The following CRTC3 variants were observed in gnomAD, a reference collection of about 807,000 sequenced individuals.
CRTC3 encodes the protein CREB-regulated transcription coactivator 3.
Under a neutral mutation model 74.5 loss-of-function variants are expected in CRTC3, and 26 were observed. The ratio of observed to expected loss-of-function variants is 0.35; its 90% CI spans 0.26 to 0.48. The LOEUF (loss-of-function observed/expected upper bound fraction) is 0.48, where lower values mean the gene tolerates loss of function less well. CRTC3 is among the 20% of genes least tolerant of loss of function. CRTC3 has a pLI of 0.99. For missense variants in CRTC3, 760 were observed against 787.3 expected (o/e 0.97, Z 0.41); for synonymous variants, 377 against 325.8 (o/e 1.16, Z -1.69).
rs562696613 is a variant in CRTC3 at position 90,579,520 on chromosome 15, C to G, written c.232-14116C>G. 4.6e-5 allele frequency among the ~76,000 whole-genome samples: 7 copies of G among 152,146 alleles called. 2 individuals are homozygous for G. The South Asian group carries it at 1.5e-3, about 32-fold the overall frequency. ...GTAATTATTGTGTCATAGGCAAAAGCCTCACACTGGCTGTCCCCTTCCCCT... is the reference window on the plus strand; with the variant it reads ...GTAATTATTGTGTCATAGGCAAAAGGCTCACACTGGCTGTCCCCTTCCCCT... On this transcript the variant is annotated intron_variant, in intron 2 of 14. Coordinates refer to ENST00000268184, the MANE Select transcript of CRTC3 (RefSeq NM_022769.5).
At chr15:90,602,250 C>A in intron 3 of CRTC3, 74 bp from the exon 4 acceptor site, 1 of 892,796 alleles carries the variant, frequency 1.1e-6, no homozygotes, top group Non-Finnish European at 1.8e-6. Context: ...TTGTTTAACT[C>A]TCTGTGAGTC....
chr15:90,603,570 T>C (rs1158405163), intron 4 of CRTC3, among the ~76,000 whole-genome samples: 1 of 152,254 alleles, frequency 6.6e-6, no homozygotes, highest in Non-Finnish European at 1.5e-5. Flanking sequence ...TGAGTATTTT[T>C]GTACCCAATA....
chr15:90,561,614 A>G (rs1187589413), intron 2 of CRTC3, among the ~76,000 whole-genome samples: 3 of 152,166 alleles, frequency 2.0e-5, no homozygotes, highest in African/African-American at 4.8e-5. Flanking sequence ...AAATTCAATC[A>G]TATTAGTATG....
intron 1 of CRTC3, among the ~76,000 whole-genome samples, chr15:90,534,381 T>C (rs896674580): frequency 1.3e-5 from 2 of 152,108 alleles, no homozygotes; most frequent in Admixed American, 6.5e-5. Context: ...GTTTAGATGG[T>C]TTTGCAGCTC....
intron 11 of CRTC3, among the ~76,000 whole-genome samples, chr15:90,635,781 T>C (rs149346839): frequency 1.3e-3 from 205 of 152,176 alleles, no homozygotes; most frequent in African/African-American, 4.8e-3. Context: ...GAAAGAAAGG[T>C]GGAGATCTTA....
At chr15:90,623,207 G>A (rs1319902998) in intron 9 of CRTC3, among the ~76,000 whole-genome samples, 8 of 152,000 alleles carry the variant, frequency 5.3e-5, no homozygotes, top group South Asian at 2.1e-4. Context: ...AGAATTCTCC[G>A]CCATGCTTTC....
At chr15:90,541,782 C>CT (rs11426969) in intron 2 of CRTC3, among the ~76,000 whole-genome samples, 74,478 of 119,708 alleles carry the variant, frequency 0.62, 25,019 homozygotes, top group Non-Finnish European at 0.7. Flanking sequence ...TCCCAGGATT[C>CT]TTTTTTTCTT....
Position 90,642,256 on chromosome 15 carries a change from C to A in CRTC3, c.*116C>A. ...TATCTTGACATAGAAGGAAGCAATG[C>A]CACGGCTCCAGGGTTTCAGATGAGA... is the stretch of plus-strand genomic sequence containing the variant. On this transcript the variant is annotated 3_prime_UTR_variant, in exon 15 of 15. Coordinates refer to ENST00000268184, the MANE Select transcript of CRTC3 (RefSeq NM_022769.5). The A allele has an allele frequency of 1.3e-6, 1 of 780,160 alleles. No homozygotes were observed. The highest frequency in any genetic ancestry group is 1.7e-5 in the South Asian group (1 of 59,628). 48.3% of individuals were successfully genotyped at this position (780,160 alleles called of 1,614,324 possible).
At chr15:90,532,858 G>A (rs868488132) in intron 1 of CRTC3, among the ~76,000 whole-genome samples, 1 of 151,812 alleles carries the variant, frequency 6.6e-6, no homozygotes, top group Admixed American at 6.6e-5. Context: ...AGGCTGAGGC[G>A]GGCAGATCAC....
chr15:90,565,767 C>T (rs1967109580), intron 2 of CRTC3, among the ~76,000 whole-genome samples: 1 of 152,240 alleles, frequency 6.6e-6, no homozygotes, highest in African/African-American at 2.4e-5. Context: ...ACATCACCCA[C>T]ATAAGTTGGT....
At chr15:90,581,662 AAGAACCCCCAT>A (rs573294331) in intron 2 of CRTC3, among the ~76,000 whole-genome samples, 143 of 152,314 alleles carry the variant, frequency 9.4e-4, no homozygotes, top group Admixed American at 1.8e-3. Context: ...AAGTAGAATA[AAGAACCCCCAT>A]AGACTCATCA....
intron 3 of CRTC3, chr15:90,594,900 A>T (rs910749973): frequency 6.6e-6 from 1 of 151,996 alleles, no homozygotes; most frequent in Admixed American, 6.6e-5. Flanking sequence ...CTCTAGGGAA[A>T]CCCCAACTTT....
At chr15:90,602,257 A>T in intron 3 of CRTC3, 67 bp from the exon 4 acceptor site, 1 of 939,326 alleles carries the variant, frequency 1.1e-6, no homozygotes, top group East Asian at 2.5e-5. Context: ...ACTCTCTGTG[A>T]GTCCACCTTG....
At position 90,645,071 on chromosome 15, in the gene CRTC3, C is replaced by T. The variant is rs140549715; in HGVS notation, c.*2931C>T. 9.5e-5 allele frequency: 22 copies of T among 230,848 alleles called. No homozygotes were observed. The highest frequency in any genetic ancestry group is 4.9e-4 in the African/African-American group (22 of 45,248). 14.3% of individuals were successfully genotyped at this position (230,848 alleles called of 1,614,324 possible). A position where few individuals can be genotyped will look rare whatever the true frequency, so the allele number is the denominator to read the frequency against. On this transcript the variant is annotated 3_prime_UTR_variant, in exon 15 of 15. Coordinates refer to ENST00000268184, the MANE Select transcript of CRTC3 (RefSeq NM_022769.5). ...TATATTACCTGAGCTGGTGTTGTAT[C>T]TTCAAGTCCATATGCGTATTTGCAG...
At chr15:90,584,745 C>G (rs1027245546) in intron 2 of CRTC3, among the ~76,000 whole-genome samples, 5 of 151,824 alleles carry the variant, frequency 3.3e-5, no homozygotes, top group Non-Finnish European at 5.9e-5. Flanking sequence ...TAGAGCCAAG[C>G]ATTAACGGCA....
intron 2 of CRTC3, among the ~76,000 whole-genome samples, chr15:90,540,485 ATGTT>A (rs1342745545): frequency 3.3e-5 from 5 of 149,750 alleles, no homozygotes; most frequent in Non-Finnish European, 7.4e-5. Context: ...ACTTAAATAA[ATGTT>A]TGGCTGGGCA....
chr15:90,551,091 CA>C (rs1168414170), intron 2 of CRTC3, among the ~76,000 whole-genome samples: 1 of 152,084 alleles, frequency 6.6e-6, no homozygotes, highest in Non-Finnish European at 1.5e-5. Flanking sequence ...GTTGGGGTTA[CA>C]TAATTAGACT....
At chr15:90,539,913 T>TA (rs1374282123) in intron 1 of CRTC3, 126 bp from the exon 2 acceptor site, 13 of 708,838 alleles carry the variant, frequency 1.8e-5, no homozygotes, top group Non-Finnish European at 2.9e-5. Context: ...TGTGATCACT[T>TA]ACGTCGAGAA....
chr15:90,635,936 G>A (rs1308101004), intron 11 of CRTC3, among the ~76,000 whole-genome samples: 1 of 152,098 alleles, frequency 6.6e-6, no homozygotes, highest in Non-Finnish European at 1.5e-5. Flanking sequence ...AACATTCCAT[G>A]CTCATGGGTA....
Sources: allele counts gnomAD v4.1 joint callset (sites outside exome capture counted in the v4.1 genomes callset), GRCh38; gene constraint gnomAD v4.1.1; transcripts MANE v1.5; gene names NCBI Gene and HGNC (gene_info 2026-07-23, HGNC 2026-07-21).